Variants in NACC1 observed in about 807,000 individuals in gnomAD.
The protein encoded by NACC1 is nucleus accumbens associated 1.
Under a neutral mutation model 41.7 loss-of-function variants are expected in NACC1, and 6 were observed. That is an observed-to-expected ratio of 0.14 (90% CI 0.08 to 0.28). NACC1 has a LOEUF of 0.28. NACC1 is among the 10% of genes least tolerant of loss of function. NACC1 has a pLI of 1.00. For missense variants in NACC1, 434 were observed against 763.7 expected (o/e 0.57, Z 5.09); for synonymous variants, 338 against 330.6 (o/e 1.02, Z -0.24).
chr19:13,136,501 C>T lies in NACC1; in HGVS notation c.1120+96C>T. 1.4e-6 allele frequency: 2 copies of T among 1,397,384 alleles called. No individual in the cohort carries two copies. The highest frequency in any genetic ancestry group is 1.9e-6 in the Non-Finnish European group (2 of 1,042,952). The allele number at this position is 1,397,384 out of a possible 1,614,324, so 86.6% of individuals were successfully genotyped here. ...AGCTGGTTAGGAGCCCCCAGCACCT[C>T]AGTTTCCCTATCTGTGCTGTAGTGT... On this transcript the variant is annotated intron_variant, in intron 3 of 5. Coordinates refer to ENST00000292431, the MANE Select transcript of NACC1 (RefSeq NM_052876.4). The surrounding 1 kb of genome is among the most constrained non-coding windows in gnomAD (Gnocchi z 5.5).
intron 1 of NACC1, among the ~76,000 whole-genome samples, chr19:13,126,274 A>G (rs147074972): frequency 3.0e-4 from 45 of 148,548 alleles, no homozygotes; most frequent in African/African-American, 1.1e-3. Flanking sequence ...CTATCTCCTG[A>G]CCTCGTGACC....
intron 1 of NACC1, among the ~76,000 whole-genome samples, chr19:13,125,379 C>T (rs1289032147): frequency 6.6e-6 from 1 of 151,102 alleles, no homozygotes; most frequent in Non-Finnish European, 1.5e-5. Context: ...GAGGACAGAG[C>T]CCTCCTGACT....
Position 13,137,629 on chromosome 19 carries a change from T to G in NACC1, c.1324+54T>G. On this transcript the variant is annotated intron_variant, in intron 5 of 5. Coordinates refer to ENST00000292431, the MANE Select transcript of NACC1 (RefSeq NM_052876.4). This position sits in a 1 kb window ranked among gnomAD's most constrained non-coding sequence, Gnocchi z 6.1. ...TGGGCCCGGGGCACGCAGGTTGACGTTTTTTCCCAGCCTTGGCTCTCAGAG... is the reference window on the plus strand; with the variant it reads ...TGGGCCCGGGGCACGCAGGTTGACGGTTTTTCCCAGCCTTGGCTCTCAGAG... 6.9e-7 allele frequency: 1 copy of G among 1,454,424 alleles called. No homozygotes were observed. Among genetic ancestry groups the G allele is most frequent in the Non-Finnish European group, 9.4e-7 (1 of 1,067,358 alleles). The allele number at this position is 1,454,424 out of a possible 1,614,324, so 90.1% of individuals were successfully genotyped here. A position where few individuals can be genotyped will look rare whatever the true frequency, so the allele number is the denominator to read the frequency against.
chr19:13,135,228 G>T lies in NACC1; in HGVS notation c.21G>T (p.Met7Ile). 1 of 1,608,758 alleles carries T rather than the reference G, an allele frequency of 6.2e-7. No homozygotes were observed. Among genetic ancestry groups the T allele is most frequent in the South Asian group, 1.1e-5 (1 of 90,450 alleles). Residue 7 changes from methionine (M) to isoleucine (I), a missense_variant, in exon 2 of 6, where the codon ATG becomes ATT. Physicochemically the swap from Met to Ile is conservative, Grantham distance 10. This residue lies in a region of NACC1 where 67 missense variants were observed against 180.1 expected (regional missense o/e 0.37). Coordinates refer to ENST00000292431, the MANE Select transcript of NACC1 (RefSeq NM_052876.4). The stretch of plus-strand genomic sequence containing the variant: ...CTGCCATGGCCCAGACACTGCAGAT[G>T]GAGATCCCGAACTTCGGCAACAGCA... MAQTLQ[M>I]EIPNFGNSIL...
intron 1 of NACC1, among the ~76,000 whole-genome samples, chr19:13,121,916 A>T (rs2019499789): frequency 6.6e-6 from 1 of 152,094 alleles, no homozygotes; most frequent in Non-Finnish European, 1.5e-5. Context: ...TCCTTCCTTC[A>T]CACAAGCTGC....
rs2019685809 is a variant in NACC1, at chr19:13,135,294, C to T, written c.87C>T (p.Tyr29=). Residue 29 remains tyrosine (Y), a synonymous_variant, in exon 2 of 6, where the codon TAC becomes TAT. Transcript: ENST00000292431. ...ATGAACAGCGGCTGCAGGGCCTGTA[C>T]TGTGACGTGTCAGTGGTGGTCAAGG... ...CLNEQRLQGL[Y]CDVSVVVKGH... is the part of the protein sequence containing the mutation. 6.2e-7 allele frequency: 1 copy of T among 1,613,874 alleles called. No homozygotes were observed.
intron 1 of NACC1, among the ~76,000 whole-genome samples, chr19:13,124,859 G>A (rs1452512790): frequency 6.6e-6 from 1 of 152,054 alleles, no homozygotes; most frequent in Non-Finnish European, 1.5e-5. Context: ...TGGGAGGATT[G>A]CTTGAGCCCA....
chr19:13,135,104 A>T, intron 1 of NACC1, 96 bp from the exon 2 acceptor site: 1 of 1,441,172 alleles, frequency 6.9e-7, no homozygotes, highest in Non-Finnish European at 9.1e-7. Flanking sequence ...CCAGCAGGGG[A>T]GGTCTTTGGG....
At position 13,138,638 on chromosome 19, in the gene NACC1, T is replaced by A; in HGVS notation, c.*232T>A. ...TGTTGCCTTCTTTAACACACACTCG[T>A]GCAGTGGGGGAGTTCTGGCTCCCCA... On this transcript the variant is annotated 3_prime_UTR_variant, in exon 6 of 6. Coordinates refer to ENST00000292431, the MANE Select transcript of NACC1 (RefSeq NM_052876.4). The surrounding 1 kb of genome is among the most constrained non-coding windows in gnomAD (Gnocchi z 5.7). 1.7e-6 allele frequency: 1 copy of A among 597,646 alleles called. No individual in the cohort carries two copies. The highest frequency in any genetic ancestry group is 2.9e-6 in the Non-Finnish European group (1 of 342,544). The allele number at this position is 597,646 out of a possible 1,614,324, so 37.0% of individuals were successfully genotyped here. A position where few individuals can be genotyped will look rare whatever the true frequency, so the allele number is the denominator to read the frequency against.
chr19:13,137,420 C>T lies in NACC1; in HGVS notation c.1226+44C>T, dbSNP rs777735101. The T allele has an allele frequency of 3.7e-6, 6 of 1,609,976 alleles. No individual in the cohort carries two copies. In the Admixed American group the frequency reaches 5.0e-5, roughly 13 times the overall value. On this transcript the variant is annotated intron_variant, in intron 4 of 5. Transcript: ENST00000292431. The surrounding 1 kb of genome is among the most constrained non-coding windows in gnomAD (Gnocchi z 6.1). Reference sequence around the variant, plus strand: ...CCCCAGGGAGGGGGGTGGGGTTTCCCCATGTCCCCCCCACCACCAACTTGA... The same window carrying T: ...CCCCAGGGAGGGGGGTGGGGTTTCCTCATGTCCCCCCCACCACCAACTTGA...
Position 13,139,464 on chromosome 19 carries a change from G to A in NACC1, c.*1058G>A, listed in dbSNP as rs62109926. ...GGTGGGGGGCCTTGGAAGGCAGGGC[G>A]GTGTTGGGGGGCTGGGGGGCAGGCT... is the stretch of plus-strand genomic sequence containing the variant. On this transcript the variant is annotated 3_prime_UTR_variant, in exon 6 of 6. Transcript: ENST00000292431. 6.2e-3 allele frequency: 949 copies of A among 152,610 alleles called. 9 individuals are homozygous for A. Among genetic ancestry groups the A allele is most frequent in the Non-Finnish European group, 0.011 (719 of 68,312 alleles). The allele number at this position is 152,610 out of a possible 1,614,324, so 9.5% of individuals were successfully genotyped here. A position where few individuals can be genotyped will look rare whatever the true frequency, so the allele number is the denominator to read the frequency against.
At chr19:13,123,537 G>A (rs1298705270) in intron 1 of NACC1, among the ~76,000 whole-genome samples, 1 of 152,152 alleles carries the variant, frequency 6.6e-6, no homozygotes, top group African/African-American at 2.4e-5. Context: ...CTGCAGTTGG[G>A]AGGATTGGGA....
At chr19:13,120,376 G>A (rs1347947261) in intron 1 of NACC1, among the ~76,000 whole-genome samples, 1 of 152,064 alleles carries the variant, frequency 6.6e-6, no homozygotes, top group African/African-American at 2.4e-5. Flanking sequence ...TGGGCTAATT[G>A]CAAGGCTGTT....
At chr19:13,134,378 C>CT (rs77002203) in intron 1 of NACC1, among the ~76,000 whole-genome samples, 381 of 144,228 alleles carry the variant, frequency 2.6e-3, no homozygotes, top group Middle Eastern at 0.015. Flanking sequence ...TTTCTTTTTC[C>CT]TTTTTTTTTT....
rs549661115 is a variant in NACC1 at position 13,135,077 on chromosome 19, A to G, written c.-8-123A>G. On this transcript the variant is annotated intron_variant, in intron 1 of 5. Transcript: ENST00000292431. ...GTGGTTTAGCACCATGGTAGATTCC[A>G]TCGTGCGGATGTCCCTCCAGCAGGG... is the stretch of plus-strand genomic sequence containing the variant. The G allele has an allele frequency of 3.8e-3, 5,485 of 1,425,626 alleles. 21 individuals are homozygous for G. The highest frequency in any genetic ancestry group is 4.4e-3 in the Non-Finnish European group (4,809 of 1,089,836). The allele number at this position is 1,425,626 out of a possible 1,614,324, so 88.3% of individuals were successfully genotyped here.
chr19:13,119,520 C>T (rs1049182251), intron 1 of NACC1, among the ~76,000 whole-genome samples: 4 of 152,144 alleles, frequency 2.6e-5, no homozygotes, highest in African/African-American at 7.2e-5. Context: ...CTTTCTCTAC[C>T]TTTTGTGGCC....
In NACC1 at chr19:13,138,450, C is replaced by T. The variant is rs1448958538; in HGVS notation, c.*44C>T. On this transcript the variant is annotated 3_prime_UTR_variant, in exon 6 of 6. Coordinates refer to ENST00000292431, the MANE Select transcript of NACC1 (RefSeq NM_052876.4). The surrounding 1 kb of genome is among the most constrained non-coding windows in gnomAD (Gnocchi z 5.7). ...GGGCCACACACTTCCCCTCCCAACA[C>T]ACACACACACCTGCCATCTTGGTCA... The T allele has an allele frequency of 6.3e-6, 10 of 1,586,202 alleles. No individual in the cohort carries two copies. Among genetic ancestry groups the T allele is most frequent in the South Asian group, 2.2e-5 (2 of 90,118 alleles).
Position 13,140,906 on chromosome 19 carries a change from C to G in NACC1, c.*2500C>G, listed in dbSNP as rs1326625566. 6.6e-6 allele frequency: 1 copy of G among 152,656 alleles called. No homozygotes were observed. The highest frequency in any genetic ancestry group is 6.6e-5 in the Admixed American group (1 of 15,260). The allele number at this position is 152,656 out of a possible 1,614,324, so 9.5% of individuals were successfully genotyped here. On this transcript the variant is annotated 3_prime_UTR_variant, in exon 6 of 6. Coordinates refer to ENST00000292431, the MANE Select transcript of NACC1 (RefSeq NM_052876.4). This position sits in a 1 kb window ranked among gnomAD's most constrained non-coding sequence, Gnocchi z 4.0. ...AAAAAGACTGTGGGGCCCTCCCCTG[C>G]CAACTCCCCTTCCCTGGCCGCCCAC...
In NACC1 at chr19:13,136,266, C is replaced by T; in HGVS notation, c.981C>T (p.Ala327=). 6.2e-7 allele frequency: 1 copy of T among 1,613,912 alleles called. No homozygotes were observed. The highest frequency in any genetic ancestry group is 8.5e-7 in the Non-Finnish European group (1 of 1,179,870). The change falls in exon 3 of 6, where the codon GCC becomes GCT. Residue 327 remains alanine (A), a synonymous_variant. Transcript: ENST00000292431. The surrounding 1 kb of genome is among the most constrained non-coding windows in gnomAD (Gnocchi z 5.5). ...EKVEALPEQV[A]PESRNRIRVR... ...TGGAGGCCCTCCCGGAGCAGGTAGCCCCCGAGTCCCGAAATCGCATCCGGG... is the reference window on the plus strand; with the variant it reads ...TGGAGGCCCTCCCGGAGCAGGTAGCTCCCGAGTCCCGAAATCGCATCCGGG...
Sources: gnomAD v4.1 joint callset for allele counts (sites outside exome capture counted in the v4.1 genomes callset) on GRCh38, gnomAD v4.1.1 for gene constraint, gnomAD v4.1.1 regional missense constraint, Gnocchi (gnomAD v3.1) non-coding constraint, MANE v1.5 for transcripts, NCBI Gene and HGNC (gene_info 2026-07-23, HGNC 2026-07-21) for gene names.